FHIT: variants seen among roughly 807,000 people sequenced by gnomAD.
FHIT encodes bis(5'-adenosyl)-triphosphatase.
A neutral mutation model predicts 17.9 loss-of-function variants in FHIT; 19 were observed. The observed-to-expected ratio is 1.06, with a 90% confidence interval of 0.74 to 1.56. The LOEUF is 1.56. Among genes scored for constraint, FHIT ranks in the 40% most tolerant of loss-of-function variants. The pLI is 0.00. For synonymous variants in FHIT, 81 were observed against 69.7 expected, an observed-to-expected ratio of 1.16 and a Z score of -0.81; for missense variants, 248 against 189.2, an observed-to-expected ratio of 1.31 and a Z score of -1.82.
At chr3:59,886,206 G>T (rs537518811) in intron 8 of FHIT, 1 of 152,342 alleles carries the variant, frequency 6.6e-6, no homozygotes, top group Admixed American at 6.5e-5. Context: ...GAAAAAGGCA[G>T]TGTTCATTCT....
At chr3:61,236,303 T>C (rs1452492760) in intron 1 of FHIT, among the ~76,000 whole-genome samples, 4 of 150,032 alleles carry the variant, frequency 2.7e-5, no homozygotes, top group Non-Finnish European at 5.9e-5. Context: ...ATAATAATAA[T>C]AACACAGCAT....
intron 5 of FHIT, among the ~76,000 whole-genome samples, chr3:60,019,837 G>A (rs1700487139): frequency 6.6e-6 from 1 of 152,192 alleles, no homozygotes; most frequent in African/African-American, 2.4e-5. Flanking sequence ...TGGGATTGGA[G>A]CTCAACTGGT....
chr3:60,267,544 C>A (rs894218316), intron 5 of FHIT, among the ~76,000 whole-genome samples: 1 of 151,986 alleles, frequency 6.6e-6, no homozygotes, highest in Non-Finnish European at 1.5e-5. Context: ...TCAAAAGATG[C>A]AGCATGTTTA....
intron 5 of FHIT, among the ~76,000 whole-genome samples, chr3:60,085,907 T>G (rs913063974): frequency 5.3e-5 from 8 of 152,194 alleles, no homozygotes; most frequent in Non-Finnish European, 2.9e-5. Context: ...CTGTGAGATT[T>G]TGCAATTAGG....
At chr3:60,216,943 A>T (rs1703723777) in intron 5 of FHIT, among the ~76,000 whole-genome samples, 1 of 152,208 alleles carries the variant, frequency 6.6e-6, no homozygotes, top group Non-Finnish European at 1.5e-5. Context: ...GGCTACTGTT[A>T]TGATGGACAG....
intron 4 of FHIT, among the ~76,000 whole-genome samples, chr3:60,556,152 T>C (rs1454830870): frequency 6.6e-6 from 1 of 152,174 alleles, no homozygotes; most frequent in Non-Finnish European, 1.5e-5. Context: ...AGTGAGTCTC[T>C]CACAGCCATC....
intron 5 of FHIT, among the ~76,000 whole-genome samples, chr3:60,037,390 CTT>C (rs35755244): frequency 1.7e-3 from 223 of 133,680 alleles, no homozygotes; most frequent in East Asian, 1.9e-3. Context: ...CCAAGTCTTT[CTT>C]TTTTTTTTTT....
chr3:59,958,355 A>T (rs1707503708), intron 7 of FHIT, among the ~76,000 whole-genome samples: 1 of 152,168 alleles, frequency 6.6e-6, no homozygotes, highest in African/African-American at 2.4e-5. Flanking sequence ...CTATAAAAGG[A>T]CTGTATAAAA....
chr3:60,517,771 A>G (rs1308099279), intron 5 of FHIT, among the ~76,000 whole-genome samples: 1 of 152,198 alleles, frequency 6.6e-6, no homozygotes, highest in Non-Finnish European at 1.5e-5. Flanking sequence ...TATTACCCCT[A>G]TGCAGGAAAC....
chr3:61,138,276 T>A (rs2036974210), intron 2 of FHIT, among the ~76,000 whole-genome samples: 1 of 152,232 alleles, frequency 6.6e-6, no homozygotes, highest in Non-Finnish European at 1.5e-5. Context: ...TTTGATCTAC[T>A]GAGCCACAGC....
At chr3:59,962,950 A>G (rs1707753829) in intron 7 of FHIT, among the ~76,000 whole-genome samples, 1 of 152,194 alleles carries the variant, frequency 6.6e-6, no homozygotes, top group Non-Finnish European at 1.5e-5. Context: ...TAAGCCAGGT[A>G]TAATAAGAAA....
At chr3:60,025,277 G>T (rs540065668) in intron 5 of FHIT, among the ~76,000 whole-genome samples, 1 of 152,270 alleles carries the variant, frequency 6.6e-6, no homozygotes, top group South Asian at 2.1e-4. Context: ...GAAATTGTTT[G>T]CAAAATGGTG....
chr3:60,422,413 C>T (rs916625246), intron 5 of FHIT, among the ~76,000 whole-genome samples: 1 of 152,160 alleles, frequency 6.6e-6, no homozygotes, highest in Non-Finnish European at 1.5e-5. Context: ...GACTTCAATG[C>T]TTTTTCCTTT....
intron 8 of FHIT, among the ~76,000 whole-genome samples, chr3:59,892,472 C>A (rs1011029422): frequency 1.1e-4 from 17 of 152,200 alleles, no homozygotes; most frequent in Admixed American, 3.9e-4. Flanking sequence ...TGGTCATTAA[C>A]AATCTATTTA....
intron 1 of FHIT, among the ~76,000 whole-genome samples, chr3:61,208,198 G>C (rs904968144): frequency 6.6e-5 from 10 of 151,978 alleles, no homozygotes; most frequent in Non-Finnish European, 8.8e-5. Flanking sequence ...TCTAATTTCT[G>C]TTCTTTTACA....
chr3:59,907,862 C>T, intron 8 of FHIT, among the ~76,000 whole-genome samples: 1 of 152,166 alleles, frequency 6.6e-6, no homozygotes, highest in Non-Finnish European at 1.5e-5. Flanking sequence ...TTGCCTTTTC[C>T]AGCTTCTAGA....
intron 3 of FHIT, among the ~76,000 whole-genome samples, chr3:60,986,212 C>T (rs1203676617): frequency 6.6e-6 from 1 of 152,202 alleles, no homozygotes; most frequent in Non-Finnish European, 1.5e-5. Context: ...CAGTCTACCA[C>T]ACCAAGTGAT....
chr3:60,064,376 C>T (rs921570472), intron 5 of FHIT, among the ~76,000 whole-genome samples: 2 of 151,956 alleles, frequency 1.3e-5, no homozygotes, highest in Non-Finnish European at 2.9e-5. Context: ...ACTGATGCAC[C>T]CCACCCCCAA....
intron 3 of FHIT, among the ~76,000 whole-genome samples, chr3:60,837,633 C>G (rs968318116): frequency 6.6e-6 from 1 of 152,070 alleles, no homozygotes; most frequent in African/African-American, 2.4e-5. Context: ...AGAATTTACA[C>G]TGCCATTTTA....
Sources: allele counts gnomAD v4.1 joint callset (sites outside exome capture counted in the v4.1 genomes callset), GRCh38; gene constraint gnomAD v4.1.1; transcripts MANE v1.5; gene names NCBI Gene and HGNC (gene_info 2026-07-23, HGNC 2026-07-21).